The following GRHL2 variants were observed in gnomAD, a reference collection of about 807,000 sequenced individuals.
GRHL2 encodes the protein grainyhead-like protein 2 homolog.
A neutral mutation model predicts 83.8 loss-of-function variants in GRHL2; 21 were observed. The ratio of observed to expected loss-of-function variants is 0.25; its 90% confidence interval spans 0.18 to 0.36. GRHL2 has a LOEUF of 0.36. Among genes scored for constraint, GRHL2 ranks in the 10% least tolerant of loss-of-function variants. The pLI is 1.00. For synonymous variants in GRHL2, 280 were observed against 278.9 expected (o/e 1.00, Z -0.04); for missense variants, 623 against 781.8 (o/e 0.80, Z 2.42).
intron 14 of GRHL2, 68 bp downstream of exon 14, chr8:101,649,567 C>CTTT: frequency 8.4e-7 from 1 of 1,196,052 alleles, no homozygotes. Flanking sequence ...AATCCATGTA[C>CTTT]TAACGTGCAG....
At chr8:101,518,626 A>T (rs968310897) in intron 1 of GRHL2, among the ~76,000 whole-genome samples, 1 of 152,106 alleles carries the variant, frequency 6.6e-6, no homozygotes, top group Non-Finnish European at 1.5e-5. Flanking sequence ...CCCATGCCAC[A>T]TGTTTTCTTT....
intron 1 of GRHL2, among the ~76,000 whole-genome samples, chr8:101,530,344 T>C (rs989318732): frequency 1.3e-5 from 2 of 152,238 alleles, no homozygotes; most frequent in South Asian, 4.1e-4. Context: ...TGCAGGCTTG[T>C]AAAGTGCTTT....
intron 7 of GRHL2, among the ~76,000 whole-genome samples, chr8:101,593,920 T>G (rs1316734997): frequency 2.0e-5 from 3 of 151,236 alleles, no homozygotes; most frequent in Non-Finnish European, 1.5e-5. Context: ...ATCAAAAAAA[T>G]TAGCCAGGCA....
intron 5 of GRHL2, among the ~76,000 whole-genome samples, chr8:101,573,115 C>A (rs1048826992): frequency 1.3e-5 from 2 of 151,690 alleles, no homozygotes; most frequent in African/African-American, 2.4e-5. Context: ...AAACAAGAAG[C>A]AAAATACAAA....
intron 4 of GRHL2, among the ~76,000 whole-genome samples, chr8:101,565,424 G>T (rs1245952192): frequency 6.6e-6 from 1 of 152,128 alleles, no homozygotes; most frequent in Non-Finnish European, 1.5e-5. Flanking sequence ...GCAACATCAA[G>T]ATCTCAGTGA....
At chr8:101,558,384 A>G in intron 3 of GRHL2, 35 bp from the exon 4 acceptor site, 1 of 1,612,740 alleles carries the variant, frequency 6.2e-7, no homozygotes, top group Non-Finnish European at 8.5e-7. Context: ...TGATTTTTCT[A>G]ATTCTATCAT....
chr8:101,546,428 T>A (rs1045244970), intron 2 of GRHL2, among the ~76,000 whole-genome samples: 1 of 148,238 alleles, frequency 6.7e-6, no homozygotes, highest in Admixed American at 6.7e-5. Context: ...TTTTTTTTTT[T>A]AGACAGAGTC....
At chr8:101,621,641 A>G (rs920269668) in intron 9 of GRHL2, among the ~76,000 whole-genome samples, 1 of 152,226 alleles carries the variant, frequency 6.6e-6, no homozygotes. Flanking sequence ...CACACCTGTA[A>G]TTCCAGCACT....
chr8:101,633,026 G>A (rs1230287466), intron 11 of GRHL2, among the ~76,000 whole-genome samples: 1 of 152,090 alleles, frequency 6.6e-6, no homozygotes, highest in African/African-American at 2.4e-5. Context: ...ATAGCAACAT[G>A]GGACCTAGTT....
rs531638285 is a variant in GRHL2 at position 101,569,076 on chromosome 8, G to A, written c.679-1263G>A. 1.9e-4 allele frequency among the ~76,000 whole-genome samples: 29 copies of A among 152,282 alleles called. 1 individual carries two copies. The South Asian group carries it at 5.8e-3, about 31-fold the overall frequency. ...TTTATTGCACAGAAATGAGAGGCAG[G>A]AAGGTTATCTCTTAGGAAGAGACAC... is the stretch of plus-strand genomic sequence containing the variant. On this transcript the variant is annotated intron_variant, in intron 4 of 15. Coordinates refer to ENST00000646743, the MANE Select transcript of GRHL2 (RefSeq NM_024915.4).
rs182378737 is a variant in GRHL2, at chr8:101,595,902, C to T, written c.1004-3155C>T. Among the ~76,000 whole-genome samples the T allele has an allele frequency of 2.3e-3, 350 of 152,094 alleles. 2 individuals carry two copies. The highest frequency in any genetic ancestry group is 8.0e-3 in the African/African-American group (331 of 41,516). ...TTGGGAGGCCGAGGCGGGTGGATCA[C>T]GAGGTCAGGAGATCGAGACCATCCT... On this transcript the variant is annotated intron_variant, in intron 7 of 15. Coordinates refer to ENST00000646743, the MANE Select transcript of GRHL2 (RefSeq NM_024915.4).
At position 101,495,411 on chromosome 8, in the gene GRHL2, C is replaced by CA. The variant is rs35495287; in HGVS notation, c.20+2623dup. 3.6e-3 allele frequency among the ~76,000 whole-genome samples: 546 copies of CA among 152,310 alleles called. 5 individuals are homozygous for CA. The highest frequency in any genetic ancestry group is 0.013 in the African/African-American group (520 of 41,558). ...GAAACGTTCTGCTTTTGATGTTCTG[C>CA]AGTGTTGATGCTATCGCCAATTAAA... On this transcript the variant is annotated intron_variant, in intron 1 of 15. Coordinates refer to ENST00000646743, the MANE Select transcript of GRHL2 (RefSeq NM_024915.4).
intron 5 of GRHL2, among the ~76,000 whole-genome samples, 176 bp from the exon 6 acceptor site, chr8:101,573,492 A>T (rs940442565): frequency 5.3e-5 from 8 of 152,198 alleles, no homozygotes; most frequent in Non-Finnish European, 1.2e-4. Flanking sequence ...TGTTGTATAC[A>T]TTGTACTAGC....
At position 101,568,495 on chromosome 8, in the gene GRHL2, T is replaced by G. The variant is rs576809063; in HGVS notation, c.679-1844T>G. 2.6e-4 allele frequency among the ~76,000 whole-genome samples: 40 copies of G among 152,344 alleles called. No individual in the cohort carries two copies. In the South Asian group the frequency reaches 6.8e-3, roughly 26 times the overall value. ...AATTTTGCTGATCTTCCTTTCCTGGTAATGCCCAGTCCATGCTTTTCCAGT... is the reference window on the plus strand; with the variant it reads ...AATTTTGCTGATCTTCCTTTCCTGGGAATGCCCAGTCCATGCTTTTCCAGT... On this transcript the variant is annotated intron_variant, in intron 4 of 15. Coordinates refer to ENST00000646743, the MANE Select transcript of GRHL2 (RefSeq NM_024915.4).
chr8:101,646,797 A>G (rs1813519740), intron 13 of GRHL2, among the ~76,000 whole-genome samples: 3 of 152,242 alleles, frequency 2.0e-5, no homozygotes, highest in Non-Finnish European at 2.9e-5. Context: ...GACTATCAGC[A>G]GAGTGATTAC....
At chr8:101,612,524 C>A in intron 8 of GRHL2, among the ~76,000 whole-genome samples, 1 of 37,948 alleles carries the variant, frequency 2.6e-5, no homozygotes, top group East Asian at 6.7e-4. Flanking sequence ...TAGATAGATA[C>A]ATACATACAT....
chr8:101,577,886 C>T (rs1811965321), intron 7 of GRHL2, among the ~76,000 whole-genome samples: 1 of 152,180 alleles, frequency 6.6e-6, no homozygotes, highest in African/African-American at 2.4e-5. Context: ...AACTCAAGCT[C>T]GTGTGACCCT....
intron 5 of GRHL2, among the ~76,000 whole-genome samples, chr8:101,571,866 T>C (rs1482997209): frequency 6.6e-6 from 1 of 152,182 alleles, no homozygotes. Flanking sequence ...GAGTCTAATT[T>C]GCGTGCTGTA....
chr8:101,578,370 A>G (rs1811975568), intron 7 of GRHL2, among the ~76,000 whole-genome samples: 1 of 152,036 alleles, frequency 6.6e-6, no homozygotes, highest in Non-Finnish European at 1.5e-5. Flanking sequence ...GAGGGAGGAG[A>G]AGAACTGTCC....
Sources: allele counts gnomAD v4.1 joint callset (sites outside exome capture counted in the v4.1 genomes callset), GRCh38; gene constraint gnomAD v4.1.1; transcripts MANE v1.5; gene names NCBI Gene and HGNC (gene_info 2026-07-23, HGNC 2026-07-21).